Variants in TSHZ2 observed in about 807,000 individuals in gnomAD.
The protein encoded by TSHZ2 is teashirt homolog 2.
In TSHZ2, 21 loss-of-function variants were observed where a neutral mutation model predicts 74.4. That is an observed-to-expected ratio of 0.28 (90% CI 0.20 to 0.41). The LOEUF is 0.41. Among genes scored for constraint, TSHZ2 ranks in the 10% least tolerant of loss-of-function variants. The probability of loss-of-function intolerance (pLI) is 1.00; values close to 1 mark genes in which losing one functional copy is unlikely to be tolerated. For synonymous variants in TSHZ2, 540 were observed against 515.3 expected (o/e 1.05, Z -0.65); for missense variants, 1,244 against 1,293.5 (o/e 0.96, Z 0.59).
chr20:53,484,648 G>A lies in TSHZ2; in HGVS notation c.*9-2496G>A, dbSNP rs181123781. 1.8e-3 allele frequency among the ~76,000 whole-genome samples: 269 copies of A among 152,034 alleles called. 3 individuals carry two copies. Among genetic ancestry groups the A allele is most frequent in the African/African-American group, 6.3e-3 (260 of 41,480 alleles). On this transcript the variant is annotated intron_variant, in intron 2 of 2. Coordinates refer to ENST00000371497, the MANE Select transcript of TSHZ2 (RefSeq NM_173485.6). The stretch of plus-strand genomic sequence containing the variant: ...TGATCCGCCCGCCGTTGCCTCCCAA[G>A]GTGCTGGGATTACAGGCGTGCACCA...
rs566559439 is a variant in TSHZ2, at chr20:52,992,708, A to C, written c.40+19375A>C. 2.7e-4 allele frequency among the ~76,000 whole-genome samples: 41 copies of C among 152,322 alleles called. No individual in the cohort carries two copies. In the South Asian group the frequency reaches 2.7e-3, roughly 10 times the overall value. On this transcript the variant is annotated intron_variant, in intron 1 of 2. Transcript: ENST00000371497. ...GAAAAGTTGGGGAAATGAGTTTCCA[A>C]ACTTGCCAAACACATAAACCAACAG...
chr20:53,230,817 G>A (rs1166807406), intron 1 of TSHZ2, among the ~76,000 whole-genome samples: 3 of 150,524 alleles, frequency 2.0e-5, no homozygotes, highest in African/African-American at 7.3e-5. Context: ...GCTTGAACCT[G>A]GGAAGCAGAG....
intron 1 of TSHZ2, among the ~76,000 whole-genome samples, chr20:53,048,049 C>T (rs139248459): frequency 3.9e-5 from 6 of 152,122 alleles, no homozygotes; most frequent in African/African-American, 7.2e-5. Flanking sequence ...CTGCCCCCAG[C>T]GCCTTTTGTG....
intron 2 of TSHZ2, among the ~76,000 whole-genome samples, chr20:53,343,290 G>T (rs1257160963): frequency 6.6e-6 from 1 of 152,066 alleles, no homozygotes; most frequent in Admixed American, 6.5e-5. Context: ...CTAACAAGAC[G>T]GCAGGTGCGG....
chr20:53,407,612 A>T (rs1286549233), intron 2 of TSHZ2, among the ~76,000 whole-genome samples: 1 of 152,166 alleles, frequency 6.6e-6, no homozygotes. Flanking sequence ...CTCTCTCTCC[A>T]CATATAAAGT....
At chr20:53,073,759 A>G (rs545619142) in intron 1 of TSHZ2, among the ~76,000 whole-genome samples, 2 of 141,868 alleles carry the variant, frequency 1.4e-5, no homozygotes, top group East Asian at 2.0e-4. Flanking sequence ...CCGTCAAGTT[A>G]AAAAAAAAAA....
chr20:53,178,175 A>G (rs1166358234), intron 1 of TSHZ2: 1 of 152,188 alleles, frequency 6.6e-6, no homozygotes, highest in Non-Finnish European at 1.5e-5. Flanking sequence ...CCTCTTCTGG[A>G]AGGACCCTAT....
At chr20:53,339,973 C>T (rs1388480428) in intron 2 of TSHZ2, among the ~76,000 whole-genome samples, 1 of 152,174 alleles carries the variant, frequency 6.6e-6, no homozygotes, top group African/African-American at 2.4e-5. Flanking sequence ...GCAGGGAACA[C>T]CTGTGCTTTA....
intron 1 of TSHZ2, among the ~76,000 whole-genome samples, chr20:53,138,218 TA>T (rs1301763105): frequency 1.3e-4 from 20 of 151,852 alleles, no homozygotes; most frequent in South Asian, 2.1e-4. Flanking sequence ...CCGTCTCTAC[TA>T]AAAAATACAA....
At position 53,476,503 on chromosome 20, in the gene TSHZ2, C is replaced by T. The variant is rs534901755; in HGVS notation, c.*9-10641C>T. On this transcript the variant is annotated intron_variant, in intron 2 of 2. Coordinates refer to ENST00000371497, the MANE Select transcript of TSHZ2 (RefSeq NM_173485.6). ...CTCAATAAATTAGGTATTGATGGGA[C>T]GTATTTCAAAATAATAAGAGCTATC... Among the ~76,000 whole-genome samples the T allele has an allele frequency of 4.2e-4, 64 of 151,372 alleles. 1 individual carries two copies. Among genetic ancestry groups the T allele is most frequent in the Middle Eastern group, 3.4e-3 (1 of 294 alleles).
chr20:53,460,690 T>C (rs568680412), intron 2 of TSHZ2, among the ~76,000 whole-genome samples: 34 of 152,316 alleles, frequency 2.2e-4, no homozygotes, highest in African/African-American at 8.2e-4. Context: ...TATCTCCTTT[T>C]GGTCTTTGAT....
intron 1 of TSHZ2, among the ~76,000 whole-genome samples, chr20:53,157,701 T>A (rs1276441962): frequency 1.3e-5 from 2 of 152,306 alleles, no homozygotes; most frequent in Middle Eastern, 3.4e-3. Context: ...CATCTCAACA[T>A]ATTTACTCTA....
At chr20:52,993,581 G>A (rs1982068529) in intron 1 of TSHZ2, among the ~76,000 whole-genome samples, 1 of 152,198 alleles carries the variant, frequency 6.6e-6, no homozygotes, top group African/African-American at 2.4e-5. Context: ...AGGAACGCTT[G>A]TTTGTAACTG....
chr20:53,079,499 C>G (rs889809242), intron 1 of TSHZ2, among the ~76,000 whole-genome samples: 1 of 152,144 alleles, frequency 6.6e-6, no homozygotes, highest in Non-Finnish European at 1.5e-5. Context: ...GCTACAGAGA[C>G]AGAATAATCC....
intron 1 of TSHZ2, among the ~76,000 whole-genome samples, chr20:53,005,538 T>C (rs766988998): frequency 3.9e-5 from 6 of 152,114 alleles, no homozygotes; most frequent in Non-Finnish European, 8.8e-5. Context: ...AGGAAATTCT[T>C]TGGAGATTCT....
At chr20:53,021,152 T>C (rs1016558899) in intron 1 of TSHZ2, among the ~76,000 whole-genome samples, 1 of 152,182 alleles carries the variant, frequency 6.6e-6, no homozygotes, top group African/African-American at 2.4e-5. Flanking sequence ...GCCCTTCCCC[T>C]AACGCTGTGG....
intron 1 of TSHZ2, among the ~76,000 whole-genome samples, chr20:53,042,101 G>A (rs989485061): frequency 4.6e-5 from 7 of 152,076 alleles, no homozygotes; most frequent in Non-Finnish European, 7.4e-5. Context: ...ATGTGTGGGG[G>A]CATGTTTCAA....
At chr20:53,029,274 C>T (rs1420235047) in intron 1 of TSHZ2, among the ~76,000 whole-genome samples, 1 of 152,196 alleles carries the variant, frequency 6.6e-6, no homozygotes, top group Non-Finnish European at 1.5e-5. Flanking sequence ...ATTATTGACT[C>T]ATTGCACATA....
intron 2 of TSHZ2, among the ~76,000 whole-genome samples, chr20:53,417,453 C>T (rs1983311755): frequency 6.6e-6 from 1 of 152,116 alleles, no homozygotes; most frequent in South Asian, 2.1e-4. Context: ...CATACCATCA[C>T]TCCCGGCTAA....
Sources: gnomAD v4.1 joint callset for allele counts (sites outside exome capture counted in the v4.1 genomes callset) on GRCh38, gnomAD v4.1.1 for gene constraint, MANE v1.5 for transcripts, NCBI Gene and HGNC (gene_info 2026-07-23, HGNC 2026-07-21) for gene names.